The following FRAS1 variants were observed in gnomAD, a reference collection of about 807,000 sequenced individuals.
The protein encoded by FRAS1 is Fraser extracellular matrix complex subunit 1.
A neutral mutation model predicts 435.2 loss-of-function variants in FRAS1; 290 were observed. That is an observed-to-expected ratio of 0.67 (90% confidence interval 0.61 to 0.73). The LOEUF (loss-of-function observed/expected upper bound fraction) is 0.73, where lower values mean the gene tolerates loss of function less well. Among genes scored for constraint, FRAS1 ranks in the 30% least tolerant of loss-of-function variants. The pLI is 0.00. For synonymous variants in FRAS1, 1,800 were observed against 1,851.0 expected (o/e 0.97, Z 0.71); for missense variants, 4,860 against 5,001.5 (o/e 0.97, Z 0.85).
At chr4:78,462,232 AG>A (rs1719391251) in intron 47 of FRAS1, among the ~76,000 whole-genome samples, 2 of 152,056 alleles carry the variant, frequency 1.3e-5, no homozygotes, top group South Asian at 4.1e-4. Context: ...AAAATTAGGC[AG>A]GGATGGTGGC....
chr4:78,299,775 C>T (rs1420046889), intron 14 of FRAS1, among the ~76,000 whole-genome samples: 1 of 152,188 alleles, frequency 6.6e-6, no homozygotes, highest in East Asian at 1.9e-4. Flanking sequence ...GAAGTCTGAC[C>T]CCTGTTGTCT....
intron 56 of FRAS1, among the ~76,000 whole-genome samples, chr4:78,480,767 A>G (rs1249442398): frequency 6.6e-6 from 1 of 152,206 alleles, no homozygotes; most frequent in Non-Finnish European, 1.5e-5. Flanking sequence ...TACTGCTGGC[A>G]GAGGGGCAAC....
At chr4:78,144,451 AGTGTGTGT>A (rs144059150) in intron 2 of FRAS1, among the ~76,000 whole-genome samples, 54 of 146,590 alleles carry the variant, frequency 3.7e-4, no homozygotes, top group African/African-American at 8.9e-4. Context: ...TTTTAAAATA[AGTGTGTGT>A]GTGTGTGTGT....
chr4:78,088,839 A>T (rs1444939110), intron 2 of FRAS1, among the ~76,000 whole-genome samples: 4 of 152,206 alleles, frequency 2.6e-5, no homozygotes, highest in Non-Finnish European at 5.9e-5. Context: ...TGGGACTGTA[A>T]ACTAGTTCAA....
intron 2 of FRAS1, among the ~76,000 whole-genome samples, chr4:78,219,509 A>G (rs1274496486): frequency 2.0e-5 from 3 of 152,242 alleles, no homozygotes; most frequent in African/African-American, 2.4e-5. Context: ...TAGGACAGAT[A>G]GTATATATTA....
chr4:78,144,628 T>A (rs754918212), intron 2 of FRAS1, among the ~76,000 whole-genome samples: 26 of 152,250 alleles, frequency 1.7e-4, no homozygotes, highest in Non-Finnish European at 2.1e-4. Context: ...CTTGAAAAAA[T>A]TAAATCCCAG....
rs772452739 is a variant in FRAS1 at position 78,267,446 on chromosome 4, G to A, written c.981+14G>A. The A allele has an allele frequency of 5.6e-6, 9 of 1,610,192 alleles. No individual in the cohort carries two copies. Among genetic ancestry groups the A allele is most frequent in the South Asian group, 1.1e-5 (1 of 90,246 alleles). On this transcript the variant is annotated intron_variant, in intron 9 of 73. Coordinates refer to ENST00000512123, the MANE Select transcript of FRAS1 (RefSeq NM_025074.7). ...GAGTGTGCCCGGGTAAGAAGCAGGG[G>A]CATTTCCATTTGGAACGTTGCAGCT... is the stretch of plus-strand genomic sequence containing the variant.
intron 44 of FRAS1, among the ~76,000 whole-genome samples, chr4:78,449,622 G>A (rs1031432864): frequency 2.4e-4 from 36 of 152,112 alleles, no homozygotes; most frequent in Admixed American, 2.6e-4. Context: ...CAACACCTGC[G>A]CAGTGTCCAG....
intron 47 of FRAS1, among the ~76,000 whole-genome samples, chr4:78,462,098 A>C (rs1455048297): frequency 6.9e-6 from 1 of 145,544 alleles, no homozygotes; most frequent in Non-Finnish European, 1.5e-5. Flanking sequence ...CCGGAAGCAA[A>C]GGCTCATGCT....
At chr4:78,312,798 C>G (rs1320385352) in intron 15 of FRAS1, among the ~76,000 whole-genome samples, 1 of 151,156 alleles carries the variant, frequency 6.6e-6, no homozygotes, top group Admixed American at 6.6e-5. Flanking sequence ...TGCTGCTGCA[C>G]TCCAGCTTGG....
intron 2 of FRAS1, among the ~76,000 whole-genome samples, chr4:78,117,358 C>T (rs916907470): frequency 1.3e-5 from 2 of 152,112 alleles, no homozygotes; most frequent in Admixed American, 6.5e-5. Context: ...CTCTATATTT[C>T]CTACATTTGA....
At position 78,370,541 on chromosome 4, in the gene FRAS1, C is replaced by T. The variant is rs561397334; in HGVS notation, c.2869+557C>T. Among the ~76,000 whole-genome samples, 5 of 152,166 alleles carry T rather than the reference C, an allele frequency of 3.3e-5. 1 individual carries two copies. The South Asian group carries it at 1.0e-3, about 32-fold the overall frequency. ...AGGATCTCTTCAGTTCAGCAGTCCC[C>T]ACCATTCCCTTTCTATCACACAAGG... On this transcript the variant is annotated intron_variant, in intron 23 of 73. Transcript: ENST00000512123.
At chr4:78,302,485 G>T (rs200523215) in intron 14 of FRAS1, among the ~76,000 whole-genome samples, 7,655 of 152,014 alleles carry the variant, frequency 0.05, 385 homozygotes, top group East Asian at 0.29. Context: ...GTGTAAAAGT[G>T]TTCCTGTTTC....
intron 2 of FRAS1, among the ~76,000 whole-genome samples, chr4:78,161,137 T>G (rs1432305820): frequency 2.7e-5 from 4 of 150,782 alleles, no homozygotes; most frequent in Non-Finnish European, 5.9e-5. Context: ...AGACTCTTTC[T>G]CAGGAAAAAA....
rs748353131 is a variant in FRAS1 at position 78,333,401 on chromosome 4, G to C, written c.2267G>C (p.Gly756Ala). ...QCPDGYFHQE[G>A]SCTECHPTCR... ...CCAGATGGCTACTTTCACCAGGAAGGTAGTTGCACAGGTGAGTATGTAATG... is the reference window on the plus strand; with the variant it reads ...CCAGATGGCTACTTTCACCAGGAAGCTAGTTGCACAGGTGAGTATGTAATG... Residue 756 changes from glycine (G) to alanine (A), a missense_variant, in exon 19 of 74, where the codon GGT (glycine) becomes GCT (alanine). Physicochemically the swap from Gly to Ala is moderately conservative, Grantham distance 60. Transcript: ENST00000512123. 1.2e-6 allele frequency: 2 copies of C among 1,611,374 alleles called. No homozygotes were observed. The highest frequency in any genetic ancestry group is 1.7e-6 in the Non-Finnish European group (2 of 1,178,832).
chr4:78,306,357 C>T (rs1281215433), intron 14 of FRAS1, among the ~76,000 whole-genome samples: 10 of 147,818 alleles, frequency 6.8e-5, no homozygotes, highest in South Asian at 2.2e-4. Flanking sequence ...TTGCTCTTCT[C>T]GAGGAGTATC....
chr4:78,503,048 C>T (rs1277812249), intron 61 of FRAS1, among the ~76,000 whole-genome samples: 1 of 152,180 alleles, frequency 6.6e-6, no homozygotes, highest in African/African-American at 2.4e-5. Context: ...ACCAACCTTG[C>T]ATCCCAGGGA....
chr4:78,075,622 G>T (rs1440317118), intron 2 of FRAS1, among the ~76,000 whole-genome samples: 1 of 152,152 alleles, frequency 6.6e-6, no homozygotes, highest in African/African-American at 2.4e-5. Flanking sequence ...GTGACTCTGG[G>T]CAAGTTACTT....
chr4:78,534,054 C>A (rs369418527), intron 70 of FRAS1, among the ~76,000 whole-genome samples: 1 of 151,954 alleles, frequency 6.6e-6, no homozygotes, highest in African/African-American at 2.4e-5. Flanking sequence ...GTGGGACATG[C>A]GATAAATAAA....
Sources: gnomAD v4.1 joint callset for allele counts (sites outside exome capture counted in the v4.1 genomes callset) on GRCh38, gnomAD v4.1.1 for gene constraint, MANE v1.5 for transcripts, NCBI Gene and HGNC (gene_info 2026-07-23, HGNC 2026-07-21) for gene names.